Variants in CNTNAP5 observed in about 807,000 individuals in gnomAD.
CNTNAP5 encodes the protein contactin associated protein family member 5.
A neutral mutation model predicts 150.2 loss-of-function variants in CNTNAP5; 72 were observed. That is an observed-to-expected ratio of 0.48 (90% CI 0.40 to 0.58). The LOEUF is 0.58. Among genes scored for constraint, CNTNAP5 ranks in the 20% least tolerant of loss-of-function variants. The pLI, the probability that CNTNAP5 is intolerant of heterozygous loss-of-function variation, is 0.00. For missense variants in CNTNAP5, 1,636 were observed against 1,626.2 expected, an observed-to-expected ratio of 1.01 and a Z score of -0.10; for synonymous variants, 672 against 619.8, an observed-to-expected ratio of 1.08 and a Z score of -1.25.
chr2:124,916,929 A>G lies in CNTNAP5; in HGVS notation c.*2641A>G, dbSNP rs1023768708. ...TTTCACTAGATATATATGAAATGCA[A>G]GTGATCCGTACCCTCCAAAGTAGAA... is the stretch of plus-strand genomic sequence containing the variant. On this transcript the variant is annotated 3_prime_UTR_variant, in exon 24 of 24. Transcript: ENST00000682447. Among the ~76,000 whole-genome samples the G allele has an allele frequency of 3.3e-5, 5 of 152,090 alleles. No individual in the cohort carries two copies. The highest frequency in any genetic ancestry group is 6.6e-5 in the Admixed American group (1 of 15,240).
At chr2:124,606,672 G>C (rs1697112492) in intron 11 of CNTNAP5, among the ~76,000 whole-genome samples, 1 of 152,232 alleles carries the variant, frequency 6.6e-6, no homozygotes, top group Admixed American at 6.5e-5. Context: ...AATCATGGCA[G>C]AGGGCAAGGA....
At chr2:124,140,060 C>T (rs998478272) in intron 1 of CNTNAP5, among the ~76,000 whole-genome samples, 6 of 152,006 alleles carry the variant, frequency 3.9e-5, no homozygotes, top group Non-Finnish European at 8.8e-5. Context: ...CACTCCCACC[C>T]GAATATTGCG....
At chr2:124,899,293 C>A (rs1318662606) in intron 21 of CNTNAP5, among the ~76,000 whole-genome samples, 1 of 151,334 alleles carries the variant, frequency 6.6e-6, no homozygotes, top group Non-Finnish European at 1.5e-5. Context: ...TAGGGGATAA[C>A]ATTGAAGAAA....
intron 21 of CNTNAP5, among the ~76,000 whole-genome samples, chr2:124,878,818 G>A (rs1354449792): frequency 6.6e-6 from 1 of 151,744 alleles, no homozygotes; most frequent in African/African-American, 2.4e-5. Flanking sequence ...AAGTAGCTGG[G>A]ATTACAGGTG....
chr2:124,072,242 G>T (rs1409992572), intron 1 of CNTNAP5, among the ~76,000 whole-genome samples: 1 of 151,562 alleles, frequency 6.6e-6, no homozygotes, highest in African/African-American at 2.4e-5. Context: ...TAAATGCCAT[G>T]TATGACAGAC....
At chr2:124,188,501 T>C (rs1328614799) in intron 1 of CNTNAP5, among the ~76,000 whole-genome samples, 3 of 151,876 alleles carry the variant, frequency 2.0e-5, no homozygotes, top group East Asian at 1.9e-4. Flanking sequence ...GGGCGGATCA[T>C]GAGGTCAGGA....
At chr2:124,437,633 A>C (rs1175151852) in intron 5 of CNTNAP5, among the ~76,000 whole-genome samples, 1 of 152,114 alleles carries the variant, frequency 6.6e-6, no homozygotes, top group African/African-American at 2.4e-5. Context: ...TATCTTAGTT[A>C]TTTATATGAA....
At chr2:124,599,977 A>C (rs1223841846) in intron 11 of CNTNAP5, among the ~76,000 whole-genome samples, 3 of 151,834 alleles carry the variant, frequency 2.0e-5, no homozygotes, top group African/African-American at 7.3e-5. Flanking sequence ...TTTGCATGTG[A>C]TTTTCTCAGA....
chr2:124,639,240 C>G (rs531376504), intron 12 of CNTNAP5, among the ~76,000 whole-genome samples: 1 of 152,272 alleles, frequency 6.6e-6, no homozygotes, highest in Admixed American at 6.5e-5. Flanking sequence ...ATGCGACGAG[C>G]ACGGGATGTT....
At chr2:124,291,064 C>A (rs1012891308) in intron 3 of CNTNAP5, among the ~76,000 whole-genome samples, 6 of 152,014 alleles carry the variant, frequency 3.9e-5, no homozygotes, top group African/African-American at 1.2e-4. Flanking sequence ...AAATGCCAAT[C>A]ATTTTGAATG....
chr2:124,159,786 G>T (rs1684631027), intron 1 of CNTNAP5, among the ~76,000 whole-genome samples: 1 of 152,074 alleles, frequency 6.6e-6, no homozygotes, highest in Non-Finnish European at 1.5e-5. Flanking sequence ...TCACTATGGA[G>T]TATCAACAAA....
At chr2:124,292,530 A>G (rs1573895509) in intron 3 of CNTNAP5, among the ~76,000 whole-genome samples, 1 of 152,138 alleles carries the variant, frequency 6.6e-6, no homozygotes, top group East Asian at 1.9e-4. Context: ...AAATAGATAA[A>G]TTCATATCTT....
chr2:124,584,878 C>T (rs1445260463), intron 11 of CNTNAP5, among the ~76,000 whole-genome samples: 2 of 152,134 alleles, frequency 1.3e-5, no homozygotes, highest in South Asian at 2.1e-4. Flanking sequence ...CATTTAGAGG[C>T]GAAAGCATGG....
intron 10 of CNTNAP5, among the ~76,000 whole-genome samples, chr2:124,533,184 A>G (rs1242745117): frequency 6.6e-6 from 1 of 152,148 alleles, no homozygotes; most frequent in Non-Finnish European, 1.5e-5. Context: ...ATTAGTCTCA[A>G]GATCAGGACT....
chr2:124,231,364 G>A (rs777070352), intron 2 of CNTNAP5, among the ~76,000 whole-genome samples: 3 of 152,080 alleles, frequency 2.0e-5, no homozygotes, highest in Admixed American at 6.6e-5. Context: ...TTTTTAAGAT[G>A]GAGAAACAGA....
chr2:124,317,818 T>A (rs990588902), intron 3 of CNTNAP5, among the ~76,000 whole-genome samples: 2 of 151,996 alleles, frequency 1.3e-5, no homozygotes, highest in African/African-American at 4.8e-5. Flanking sequence ...AGGTGCACCC[T>A]TAAAGTAATG....
chr2:124,708,507 GACA>G (rs1171007463), intron 13 of CNTNAP5, among the ~76,000 whole-genome samples: 2 of 152,108 alleles, frequency 1.3e-5, no homozygotes, highest in Admixed American at 6.6e-5. Context: ...AATCTGCAGG[GACA>G]AAGAAGCCAA....
At chr2:124,293,202 A>G (rs1366316247) in intron 3 of CNTNAP5, among the ~76,000 whole-genome samples, 1 of 152,056 alleles carries the variant, frequency 6.6e-6, no homozygotes, top group Non-Finnish European at 1.5e-5. Flanking sequence ...TTAATATGAT[A>G]TTTAACCCTT....
chr2:124,271,419 A>T (rs1198146266), intron 3 of CNTNAP5, among the ~76,000 whole-genome samples: 1 of 151,982 alleles, frequency 6.6e-6, no homozygotes, highest in Non-Finnish European at 1.5e-5. Flanking sequence ...AGGCCTGGAG[A>T]TGGGGGTTGG....
Sources: gnomAD v4.1 joint callset for allele counts (sites outside exome capture counted in the v4.1 genomes callset) on GRCh38, gnomAD v4.1.1 for gene constraint, MANE v1.5 for transcripts, NCBI Gene and HGNC (gene_info 2026-07-23, HGNC 2026-07-21) for gene names.